The following SKAP2 variants were observed in gnomAD, a reference collection of about 807,000 sequenced individuals.
SKAP2 encodes the protein src kinase-associated phosphoprotein 2.
SKAP2 carries 28 observed loss-of-function variants against 54.9 expected under a neutral mutation model. The ratio of observed to expected loss-of-function variants is 0.51; its 90% CI spans 0.38 to 0.70. The LOEUF is 0.70. Among genes scored for constraint, SKAP2 ranks in the 30% least tolerant of loss-of-function variants. SKAP2 has a pLI of 0.00. For synonymous variants in SKAP2, 137 were observed against 134.3 expected (o/e 1.02, Z -0.14); for missense variants, 356 against 424.1 (o/e 0.84, Z 1.41).
intron 11 of SKAP2, among the ~76,000 whole-genome samples, chr7:26,674,192 T>C (rs1300732259): frequency 6.6e-6 from 1 of 152,212 alleles, no homozygotes; most frequent in African/African-American, 2.4e-5. Flanking sequence ...AACATATATC[T>C]GTGCTTCAAA....
chr7:26,701,647 C>T (rs547370625), intron 9 of SKAP2, among the ~76,000 whole-genome samples: 154 of 152,182 alleles, frequency 1.0e-3, no homozygotes, highest in Admixed American at 2.0e-3. Context: ...ACTGCTTGAA[C>T]CCGGGAGGTG....
intron 4 of SKAP2, among the ~76,000 whole-genome samples, chr7:26,840,182 G>A (rs184107461): frequency 6.6e-6 from 1 of 152,116 alleles, no homozygotes; most frequent in African/African-American, 2.4e-5. Context: ...ATAAATGACT[G>A]TTCTATATTT....
In SKAP2 at chr7:26,844,094, C is replaced by G. The variant is rs144792808; in HGVS notation, c.243G>C (p.Gly81=). 5 of 1,612,036 alleles carry G rather than the reference C, an allele frequency of 3.1e-6. No homozygotes were observed. The African/African-American group carries it at 6.7e-5, about 22-fold the overall frequency. Residue 81 remains glycine, a synonymous_variant, in exon 4 of 13, where the codon GGG becomes GGC. Coordinates refer to ENST00000345317, the MANE Select transcript of SKAP2 (RefSeq NM_003930.5). ...DGEEYDDPFA[G]PPDTISLASE... Reference sequence around the variant, plus strand: ...AGGCTAATGAAATAGTGTCTGGAGGCCCAGCAAAAGGGTCATCATATTCTT... The same window carrying G: ...AGGCTAATGAAATAGTGTCTGGAGGGCCAGCAAAAGGGTCATCATATTCTT...
chr7:26,749,310 T>C (rs1365266850), intron 4 of SKAP2, among the ~76,000 whole-genome samples: 3 of 152,154 alleles, frequency 2.0e-5, no homozygotes, highest in Non-Finnish European at 4.4e-5. Context: ...TAAACAATAT[T>C]TTACTAGTCT....
At chr7:26,859,583 G>A (rs1460083305) in intron 1 of SKAP2, among the ~76,000 whole-genome samples, 2 of 152,058 alleles carry the variant, frequency 1.3e-5, no homozygotes, top group Non-Finnish European at 2.9e-5. Flanking sequence ...TCCAATCATT[G>A]GACAAAATTT....
intron 4 of SKAP2, among the ~76,000 whole-genome samples, chr7:26,839,814 G>A (rs1198803994): frequency 6.6e-6 from 1 of 151,928 alleles, no homozygotes; most frequent in Non-Finnish European, 1.5e-5. Flanking sequence ...TTAAATTTAT[G>A]TTGTGCACAC....
intron 4 of SKAP2, among the ~76,000 whole-genome samples, chr7:26,815,928 A>C (rs1784256989): frequency 6.6e-6 from 1 of 152,128 alleles, no homozygotes; most frequent in African/African-American, 2.4e-5. Context: ...ACACTAAAGC[A>C]TTTTAGTATA....
At chr7:26,806,319 A>G (rs1176730288) in intron 4 of SKAP2, among the ~76,000 whole-genome samples, 1 of 152,200 alleles carries the variant, frequency 6.6e-6, no homozygotes, top group Non-Finnish European at 1.5e-5. Flanking sequence ...TTGGGAGGCC[A>G]AAGTGGGAGG....
the SKAP2 span, among the ~76,000 whole-genome samples, chr7:26,659,464 A>T: frequency 1.3e-5 from 2 of 152,168 alleles, no homozygotes; most frequent in Non-Finnish European, 2.9e-5. Context: ...ATAAAAATAC[A>T]ATTTATGCCC....
intron 4 of SKAP2, among the ~76,000 whole-genome samples, chr7:26,818,210 A>G (rs575709947): frequency 5.3e-5 from 8 of 152,206 alleles, no homozygotes; most frequent in Non-Finnish European, 1.0e-4. Context: ...ACAGTAACCG[A>G]AACAGCATGG....
In SKAP2 at chr7:26,668,826, TG is replaced by T. The variant is rs1269440809; in HGVS notation, c.*839del. ...GACTGCAGGTGAACATTACCACACTTGGCTAATTTTTAGTAGAGACAGGGTT... is the reference window on the plus strand; with the variant it reads ...GACTGCAGGTGAACATTACCACACTTGCTAATTTTTAGTAGAGACAGGGTT... On this transcript the variant is annotated 3_prime_UTR_variant, in exon 13 of 13. Coordinates refer to ENST00000345317, the MANE Select transcript of SKAP2 (RefSeq NM_003930.5). 5 of 152,126 alleles carry T rather than the reference TG, an allele frequency of 3.3e-5. No homozygotes were observed. In the East Asian group the frequency reaches 9.7e-4, roughly 29 times the overall value. The allele number at this position is 152,126 out of a possible 1,614,324, so 9.4% of individuals were successfully genotyped here. A position where few individuals can be genotyped will look rare whatever the true frequency, so the allele number is the denominator to read the frequency against.
At chr7:26,696,668 C>T (rs968179088) in intron 9 of SKAP2, among the ~76,000 whole-genome samples, 1 of 152,110 alleles carries the variant, frequency 6.6e-6, no homozygotes, top group Non-Finnish European at 1.5e-5. Flanking sequence ...CTAATTTTCA[C>T]CTTTGACATT....
intron 4 of SKAP2, among the ~76,000 whole-genome samples, chr7:26,760,563 C>T (rs1468948005): frequency 6.6e-6 from 1 of 152,014 alleles, no homozygotes; most frequent in African/African-American, 2.4e-5. Flanking sequence ...AGAATAACAA[C>T]AATTAATAAT....
At chr7:26,755,113 T>C (rs951082535) in intron 4 of SKAP2, among the ~76,000 whole-genome samples, 1 of 152,192 alleles carries the variant, frequency 6.6e-6, no homozygotes, top group Admixed American at 6.5e-5. Flanking sequence ...AATTTACAAA[T>C]ATGTTTTATC....
intron 6 of SKAP2, among the ~76,000 whole-genome samples, chr7:26,729,306 C>T (rs1431866886): frequency 6.6e-6 from 1 of 151,758 alleles, no homozygotes; most frequent in Non-Finnish European, 1.5e-5. Context: ...TGTACTTGTT[C>T]GAGGATAAGA....
chr7:26,714,469 T>C (rs1411919650), intron 9 of SKAP2, among the ~76,000 whole-genome samples: 1 of 152,228 alleles, frequency 6.6e-6, no homozygotes, highest in East Asian at 1.9e-4. Context: ...AGGTAAAATT[T>C]CACTTAAGCT....
At chr7:26,844,243 A>C in intron 3 of SKAP2, 106 bp from the exon 4 acceptor site, 1 of 649,436 alleles carries the variant, frequency 1.5e-6, no homozygotes, top group Non-Finnish European at 2.7e-6. Flanking sequence ...AAATTCTACT[A>C]GTAAATTGAG....
intron 4 of SKAP2, among the ~76,000 whole-genome samples, chr7:26,740,533 A>G (rs1186403395): frequency 6.6e-6 from 1 of 152,216 alleles, no homozygotes; most frequent in Non-Finnish European, 1.5e-5. Flanking sequence ...AAAACTAGAC[A>G]GATCTGATAA....
At chr7:26,756,173 ACT>A (rs1257781067) in intron 4 of SKAP2, among the ~76,000 whole-genome samples, 3 of 152,106 alleles carry the variant, frequency 2.0e-5, no homozygotes, top group African/African-American at 7.2e-5. Flanking sequence ...CTTTTTTAAT[ACT>A]TTTTGTTAAT....
Sources: gnomAD v4.1 joint callset for allele counts (sites outside exome capture counted in the v4.1 genomes callset) on GRCh38, gnomAD v4.1.1 for gene constraint, MANE v1.5 for transcripts, NCBI Gene and HGNC (gene_info 2026-07-23, HGNC 2026-07-21) for gene names.